The following SBF1 variants were observed in gnomAD, a reference collection of about 807,000 sequenced individuals.
The protein encoded by SBF1 is myotubularin-related protein 5.
SBF1 carries 65 observed loss-of-function variants against 215.8 expected under a neutral mutation model. The ratio of observed to expected loss-of-function variants is 0.30; its 90% CI spans 0.25 to 0.37. The LOEUF is 0.37. Among genes scored for constraint, SBF1 ranks in the 10% least tolerant of loss-of-function variants. The pLI, the probability that SBF1 is intolerant of heterozygous loss-of-function variation, is 1.00. For missense variants in SBF1, 2,634 were observed against 2,667.8 expected (o/e 0.99, Z 0.28); for synonymous variants, 1,410 against 1,122.8 (o/e 1.26, Z -5.11).
rs1023895118 is a variant in SBF1, at chr22:50,446,963, A to G, written c.*179T>C. Reference sequence around the variant, plus strand: ...CACGGTGCTCAGCTGTGACGCCAAAATAAGTTAGGGCCGGCCGGGCGGGGC... The same window carrying G: ...CACGGTGCTCAGCTGTGACGCCAAAGTAAGTTAGGGCCGGCCGGGCGGGGC... On this transcript the variant is annotated 3_prime_UTR_variant, in exon 41 of 41. Transcript: ENST00000380817. 1.1e-4 allele frequency: 78 copies of G among 717,318 alleles called. No individual in the cohort carries two copies. Among genetic ancestry groups the G allele is most frequent in the Middle Eastern group, 6.7e-4 (2 of 2,970 alleles). 44.4% of individuals were successfully genotyped at this position (717,318 alleles called of 1,614,324 possible).
Position 50,462,480 on chromosome 22 carries a change from C to T in SBF1, c.2128-7G>A, listed in dbSNP as rs370983324. On this transcript the variant is annotated splice_polypyrimidine_tract_variant and splice_region_variant and intron_variant, in intron 18 of 40. Coordinates refer to ENST00000380817, the MANE Select transcript of SBF1 (RefSeq NM_002972.4). The stretch of plus-strand genomic sequence containing the variant: ...AAGGTGCCTCCCCAACCTCCTGCCA[C>T]GGCACCACACGCATGAGCCGGGGCC... The T allele has an allele frequency of 1.8e-5, 29 of 1,613,036 alleles. No individual in the cohort carries two copies. The Admixed American group carries it at 2.0e-4, about 11-fold the overall frequency.
rs1239405837 is a variant in SBF1 at position 50,460,731 on chromosome 22, C to T, written c.2968-19G>A. On this transcript the variant is annotated intron_variant, in intron 23 of 40. Coordinates refer to ENST00000380817, the MANE Select transcript of SBF1 (RefSeq NM_002972.4). ...TCAGCAGCTGTGTCAGTAAAAGCAG[C>T]CCTTAGGGGTGTGGGTGGCCCCCCA... is the stretch of plus-strand genomic sequence containing the variant. 1 of 1,604,204 alleles carries T rather than the reference C, an allele frequency of 6.2e-7. No individual in the cohort carries two copies.
At chr22:50,474,365 C>A (rs1349806531) in intron 1 of SBF1, among the ~76,000 whole-genome samples, 1 of 152,216 alleles carries the variant, frequency 6.6e-6, no homozygotes, top group African/African-American at 2.4e-5. Flanking sequence ...GCCGCGGGTC[C>A]GCGCCCCTGG....
Position 50,465,956 on chromosome 22 carries a change from CT to C in SBF1, c.1011+4del. 6.2e-7 allele frequency: 1 copy of C among 1,612,688 alleles called. No individual in the cohort carries two copies. Among genetic ancestry groups the C allele is most frequent in the Non-Finnish European group, 8.5e-7 (1 of 1,178,824 alleles). On this transcript the variant is annotated splice_donor_region_variant and intron_variant, in intron 9 of 40. Transcript: ENST00000380817. ...AGGCTCCCGCTTGCCCATGGTGCCC[CT>C]CACCATGCTCAGCACACTGTGCGTC...
At position 50,446,707 on chromosome 22, in the gene SBF1, C is replaced by G. The variant is rs1275520789; in HGVS notation, c.*435G>C. On this transcript the variant is annotated 3_prime_UTR_variant, in exon 41 of 41. Transcript: ENST00000380817. ...CCAGGAGAGGCTCACGAGAAAGATG[C>G]CAACCTCCCGCCAGGTGGGCCTGGA... 1 of 409,058 alleles carries G rather than the reference C, an allele frequency of 2.4e-6. No homozygotes were observed. The highest frequency in any genetic ancestry group is 4.9e-6 in the Non-Finnish European group (1 of 204,920). 25.3% of individuals were successfully genotyped at this position (409,058 alleles called of 1,614,324 possible).
At chr22:50,472,230 CCCA>C (rs2148615923) in intron 1 of SBF1, among the ~76,000 whole-genome samples, 1 of 152,294 alleles carries the variant, frequency 6.6e-6, no homozygotes, top group South Asian at 2.1e-4. Context: ...AGGGCCCCTC[CCCA>C]CCTTTCCTGA....
At position 50,461,230 on chromosome 22, in the gene SBF1, G is replaced by A. The variant is rs753562509; in HGVS notation, c.2896C>T (p.Arg966Cys). Residue 966 changes from arginine to cysteine, a missense_variant, in exon 23 of 41, where the codon CGC (arginine) becomes TGC (cysteine). Arg to Cys is a radical substitution (Grantham distance 180). Transcript: ENST00000380817. ...TCCACAGGGGTCTGGACGCTGATGC[G>A]CTTCTCCTTGGTCAGCGCAGCCACC... ...FPVAALTKEK[R>C]ISVQTPVDQL... The A allele has an allele frequency of 3.1e-6, 5 of 1,613,246 alleles. No individual in the cohort carries two copies. Among genetic ancestry groups the A allele is most frequent in the South Asian group, 1.1e-5 (1 of 91,052 alleles).
In SBF1 at chr22:50,447,079, C is replaced by T. The variant is rs2066858039; in HGVS notation, c.*63G>A. 4 of 1,446,966 alleles carry T rather than the reference C, an allele frequency of 2.8e-6. No homozygotes were observed. Among genetic ancestry groups the T allele is most frequent in the Non-Finnish European group, 3.8e-6 (4 of 1,052,144 alleles). 89.6% of individuals were successfully genotyped at this position (1,446,966 alleles called of 1,614,324 possible). A position where few individuals can be genotyped will look rare whatever the true frequency, so the allele number is the denominator to read the frequency against. ...GGGGCTGTAAACATGGCCGGGGCGG[C>T]CCTGCCCACCCCTAGTGGTCGGTAA... On this transcript the variant is annotated 3_prime_UTR_variant, in exon 41 of 41. Coordinates refer to ENST00000380817, the MANE Select transcript of SBF1 (RefSeq NM_002972.4).
chr22:50,452,334 T>C (rs566421224), intron 36 of SBF1, among the ~76,000 whole-genome samples: 3 of 152,248 alleles, frequency 2.0e-5, no homozygotes, highest in African/African-American at 7.2e-5. Context: ...CAGACCAGAT[T>C]ATACTGAAAG....
At chr22:50,449,379 G>A (rs2066956176) in intron 36 of SBF1, among the ~76,000 whole-genome samples, 1 of 152,096 alleles carries the variant, frequency 6.6e-6, no homozygotes, top group Admixed American at 6.5e-5. Context: ...CACTTTGGGT[G>A]GCCGAGGCGG....
At position 50,470,437 on chromosome 22, in the gene SBF1, C is replaced by G. The variant is rs188166428; in HGVS notation, c.56-1976G>C. On this transcript the variant is annotated intron_variant, in intron 1 of 40. Coordinates refer to ENST00000380817, the MANE Select transcript of SBF1 (RefSeq NM_002972.4). ...TCAGCCTTAAGTCCTCTGCAGGGCTCTACCCTCCAAAGAGCCAGCCCTGAG... is the reference window on the plus strand; with the variant it reads ...TCAGCCTTAAGTCCTCTGCAGGGCTGTACCCTCCAAAGAGCCAGCCCTGAG... 7.8e-3 allele frequency among the ~76,000 whole-genome samples: 1,187 copies of G among 152,238 alleles called. 13 individuals carry two copies. Among genetic ancestry groups the G allele is most frequent in the Non-Finnish European group, 0.013 (852 of 67,996 alleles).
chr22:50,448,331 G>A lies in SBF1; in HGVS notation c.5265C>T (p.Asp1755=), dbSNP rs369993041. The change falls in exon 38 of 41, where the codon GAC becomes GAT. Residue 1755 remains aspartate, a synonymous_variant. Transcript: ENST00000380817. ...GSTLSLSLDS[D]QSSGSTTSGS... is the part of the protein sequence containing the mutation. ...CGGATGTGGTTGAGCCACTACTCTG[G>A]TCGCTGTCCAGGCTGAGGCTCAGGG... 1.0e-4 allele frequency: 163 copies of A among 1,613,836 alleles called. No individual in the cohort carries two copies. In the African/African-American group the frequency reaches 2.0e-3, roughly 20 times the overall value.
chr22:50,464,094 A>G (rs1396629042), intron 15 of SBF1, among the ~76,000 whole-genome samples: 1 of 152,256 alleles, frequency 6.6e-6, no homozygotes, highest in East Asian at 1.9e-4. Context: ...TGATTTCTAA[A>G]AATGGAAGTA....
intron 36 of SBF1, among the ~76,000 whole-genome samples, chr22:50,451,503 C>T (rs1037593967): frequency 6.6e-6 from 1 of 152,058 alleles, no homozygotes; most frequent in African/African-American, 2.4e-5. Flanking sequence ...ACGTATGGGA[C>T]AATAAAGTTC....
rs1556437163 is a variant in SBF1 at position 50,468,381 on chromosome 22, C to T, written c.136G>A (p.Glu46Lys). ...TCAGCACGCCCCCAACTCACCAGCT[C>T]GATGCCCTGGGGGAATGGGTTGTCC... ...WEDNPFPQGI[E>K]LFCQPSGWQL... The change falls in exon 2 of 41, where the codon GAG becomes AAG. Residue 46 changes from glutamate (E) to lysine (K), a missense_variant. By Grantham distance (56) the Glu-to-Lys change is moderately conservative (BLOSUM62 1). Coordinates refer to ENST00000380817, the MANE Select transcript of SBF1 (RefSeq NM_002972.4). 6.2e-7 allele frequency: 1 copy of T among 1,612,870 alleles called. No homozygotes were observed. The highest frequency in any genetic ancestry group is 8.5e-7 in the Non-Finnish European group (1 of 1,179,418).
Position 50,447,447 on chromosome 22 carries a change from A to G in SBF1, c.5458T>C (p.Tyr1820His). The change falls in exon 40 of 41, where the codon TAC (tyrosine) becomes CAC (histidine). Residue 1820 changes from tyrosine to histidine, a missense_variant. Coordinates refer to ENST00000380817, the MANE Select transcript of SBF1 (RefSeq NM_002972.4). The part of the protein sequence containing the change: ...VLDKTKHQLR[Y>H]YDHRVDTECK... ...TCTGTGTCCACACGGTGGTCGTAGT[A>G]GCGCAGCTGGAGGAGGCCACAGAGT... 3 of 1,611,344 alleles carry G rather than the reference A, an allele frequency of 1.9e-6. No individual in the cohort carries two copies. Among genetic ancestry groups the G allele is most frequent in the Non-Finnish European group, 1.7e-6 (2 of 1,179,308 alleles).
rs117385009 is a variant in SBF1 at position 50,466,227 on chromosome 22, G to A, written c.820C>T (p.Leu274=). 4.9e-4 allele frequency: 784 copies of A among 1,613,500 alleles called. 18 individuals carry two copies. The East Asian group carries it at 0.017, about 35-fold the overall frequency. Residue 274 remains leucine (L), a synonymous_variant, in exon 8 of 41, where the codon CTG becomes TTG. Transcript: ENST00000380817. The part of the protein sequence containing the change: ...FTYVPILPAQ[L]LEVLSTPTPF... ...GTGGGTGTGCTGAGGACCTCCAGCA[G>A]CTGAGCCGGCAGGATGGGCACATAG...
intron 3 of SBF1, 23 bp downstream of exon 3, chr22:50,467,763 G>A (rs1346206270): frequency 6.2e-7 from 1 of 1,613,370 alleles, no homozygotes; most frequent in Non-Finnish European, 8.5e-7. Flanking sequence ...CATTCATGCT[G>A]TACCCAGAGG....
intron 28 of SBF1, among the ~76,000 whole-genome samples, chr22:50,457,875 C>A (rs1348144878): frequency 2.0e-5 from 3 of 152,352 alleles, no homozygotes; most frequent in African/African-American, 7.2e-5. Flanking sequence ...TCACTACAGG[C>A]CAAGCACAAT....
Sources: allele counts gnomAD v4.1 joint callset (sites outside exome capture counted in the v4.1 genomes callset), GRCh38; gene constraint gnomAD v4.1.1; transcripts MANE v1.5; gene names NCBI Gene and HGNC (gene_info 2026-07-23, HGNC 2026-07-21).